Variants in LIN28A observed in about 807,000 individuals in gnomAD.
The protein encoded by LIN28A is lin-28 RNA binding posttranscriptional regulator A, also known as protein lin-28 homolog A.
LIN28A carries 11 observed loss-of-function variants against 21.1 expected under a neutral mutation model. That is an observed-to-expected ratio of 0.52 (90% CI 0.33 to 0.86). The LOEUF (loss-of-function observed/expected upper bound fraction) is 0.86, where lower values mean the gene tolerates loss of function less well. Among genes scored for constraint, LIN28A ranks in the 40% least tolerant of loss-of-function variants. The pLI, the probability that LIN28A is intolerant of heterozygous loss-of-function variation, is 0.03. For synonymous variants in LIN28A, 111 were observed against 108.7 expected, an observed-to-expected ratio of 1.02 and a Z score of -0.13; for missense variants, 219 against 279.8, an observed-to-expected ratio of 0.78 and a Z score of 1.55.
chr1:26,417,471 T>C (rs1570312342), intron 2 of LIN28A, among the ~76,000 whole-genome samples: 1 of 152,248 alleles, frequency 6.6e-6, no homozygotes, highest in African/African-American at 2.4e-5. Flanking sequence ...TTAAAATTAC[T>C]TTCATCAGCT....
chr1:26,416,605 G>T (rs968972168), intron 2 of LIN28A, among the ~76,000 whole-genome samples: 6 of 151,842 alleles, frequency 4.0e-5, no homozygotes, highest in Non-Finnish European at 8.8e-5. Context: ...TATTTAACAT[G>T]ATCTCACCAT....
chr1:26,416,049 G>A (rs568640495), intron 2 of LIN28A, among the ~76,000 whole-genome samples: 6 of 152,222 alleles, frequency 3.9e-5, no homozygotes, highest in African/African-American at 1.4e-4. Flanking sequence ...CTGGAGTGCA[G>A]TGGCACGAAC....
intron 2 of LIN28A, among the ~76,000 whole-genome samples, chr1:26,422,230 G>A (rs950682677): frequency 6.6e-6 from 1 of 151,670 alleles, no homozygotes; most frequent in Non-Finnish European, 1.5e-5. Flanking sequence ...AGCTGGTCTC[G>A]AATTCCTGGG....
chr1:26,421,621 T>A (rs2075029163), intron 2 of LIN28A, among the ~76,000 whole-genome samples: 1 of 152,228 alleles, frequency 6.6e-6, no homozygotes, highest in Non-Finnish European at 1.5e-5. Flanking sequence ...ACAAAGTCTG[T>A]AGGAATATGA....
In LIN28A at chr1:26,411,408, A is replaced by G; in HGVS notation, c.54A>G (p.Glu18=). 6.2e-7 allele frequency: 1 copy of G among 1,600,946 alleles called. No homozygotes were observed. Among genetic ancestry groups the G allele is most frequent in the Non-Finnish European group, 8.5e-7 (1 of 1,174,552 alleles). ...QFAGGCAKAA[E]EAPEEAPEDA... is the part of the protein sequence containing the mutation. The stretch of plus-strand genomic sequence containing the variant: ...CAGGTGGCTGCGCCAAGGCGGCAGA[A>G]GAGGCGCCCGAGGAGGCGCCGGAGG... Residue 18 remains glutamate (E), a synonymous_variant, in exon 2 of 4, where the codon GAA becomes GAG. Coordinates refer to ENST00000326279, the MANE Select transcript of LIN28A (RefSeq NM_024674.6). The surrounding 1 kb of genome is among the most constrained non-coding windows in gnomAD (Gnocchi z 5.4).
Position 26,425,356 on chromosome 1 carries a change from G to A in LIN28A, c.282G>A (p.Glu94=). 1 of 1,614,056 alleles carries A rather than the reference G, an allele frequency of 6.2e-7. No individual in the cohort carries two copies. Among genetic ancestry groups the A allele is most frequent in the African/African-American group, 1.3e-5 (1 of 75,020 alleles). Residue 94 remains glutamate (E), a synonymous_variant, in exon 3 of 4, where the codon GAG becomes GAA. Transcript: ENST00000326279. Reference sequence around the variant, plus strand: ...GCTTGAAGGAGGGTGAGGCAGTGGAGTTCACCTTTAAGAAGTCAGCCAAGG... The same window carrying A: ...GCTTGAAGGAGGGTGAGGCAGTGGAATTCACCTTTAAGAAGTCAGCCAAGG... ...FRSLKEGEAV[E]FTFKKSAKGL...
At chr1:26,417,164 G>GT (rs1472178117) in intron 2 of LIN28A, among the ~76,000 whole-genome samples, 1 of 152,214 alleles carries the variant, frequency 6.6e-6, no homozygotes, top group Non-Finnish European at 1.5e-5. Flanking sequence ...GTACCTCCTG[G>GT]TATAGGCGCC....
intron 2 of LIN28A, among the ~76,000 whole-genome samples, chr1:26,423,418 T>TTTTTTTTTTTTTTTTG (rs2075039300): frequency 9.8e-6 from 1 of 101,626 alleles, no homozygotes; most frequent in African/African-American, 5.6e-5. Context: ...TTTTTCTTTT[T>TTTTTTTTTTTTTTTTG]TTTTTTTTTT....
chr1:26,421,767 ACTGT>A (rs1487947953), intron 2 of LIN28A, among the ~76,000 whole-genome samples: 1 of 152,078 alleles, frequency 6.6e-6, no homozygotes, highest in Non-Finnish European at 1.5e-5. Context: ...CTTGGGTTAT[ACTGT>A]CTTTCGGTAA....
chr1:26,426,545 G>A lies in LIN28A; in HGVS notation c.*87G>A, dbSNP rs2075060853. ...AGAAAGTGGGAATAGGGTGCATTGG[G>A]GCTAGTTGGCACTGCCATGTATCTC... is the stretch of plus-strand genomic sequence containing the variant. On this transcript the variant is annotated 3_prime_UTR_variant, in exon 4 of 4. Coordinates refer to ENST00000326279, the MANE Select transcript of LIN28A (RefSeq NM_024674.6). The A allele has an allele frequency of 2.0e-6, 2 of 1,012,460 alleles. No homozygotes were observed. Among genetic ancestry groups the A allele is most frequent in the Non-Finnish European group, 3.0e-6 (2 of 659,160 alleles). The allele number at this position is 1,012,460 out of a possible 1,614,324, so 62.7% of individuals were successfully genotyped here. A position where few individuals can be genotyped will look rare whatever the true frequency, so the allele number is the denominator to read the frequency against.
At chr1:26,418,542 T>TA (rs10680192) in intron 2 of LIN28A, among the ~76,000 whole-genome samples, 32,191 of 144,334 alleles carry the variant, frequency 0.22, 4,355 homozygotes, top group African/African-American at 0.39. Context: ...CCAGACTTTT[T>TA]AAAAAAAAAA....
chr1:26,414,189 G>T (rs2074979707), intron 2 of LIN28A, among the ~76,000 whole-genome samples: 1 of 151,268 alleles, frequency 6.6e-6, no homozygotes, highest in African/African-American at 2.4e-5. Context: ...AGTAAACACA[G>T]GATAAATTGT....
chr1:26,423,134 C>T (rs1406342994), intron 2 of LIN28A, among the ~76,000 whole-genome samples: 1 of 152,042 alleles, frequency 6.6e-6, no homozygotes, highest in Admixed American at 6.6e-5. Flanking sequence ...GCAACCTCTG[C>T]CTCCCGGGTT....
intron 2 of LIN28A, among the ~76,000 whole-genome samples, chr1:26,417,296 C>T (rs1291086458): frequency 6.6e-6 from 1 of 152,200 alleles, no homozygotes; most frequent in Non-Finnish European, 1.5e-5. Context: ...TGCCTGCAGC[C>T]TTCTGTTCCA....
In LIN28A at chr1:26,415,117, T is replaced by C. The variant is rs566293203; in HGVS notation, c.228+3535T>C. Among the ~76,000 whole-genome samples the C allele has an allele frequency of 1.4e-4, 22 of 152,308 alleles. 1 individual carries two copies. In the South Asian group the frequency reaches 4.6e-3, roughly 32 times the overall value. The stretch of plus-strand genomic sequence containing the variant: ...CCCAGATATGTTTCAATCTCAAATA[T>C]GTTTAAATTGGCTTTCTGGCTAAAA... On this transcript the variant is annotated intron_variant, in intron 2 of 3. Coordinates refer to ENST00000326279, the MANE Select transcript of LIN28A (RefSeq NM_024674.6).
chr1:26,424,679 G>T (rs962973315), intron 2 of LIN28A, among the ~76,000 whole-genome samples: 1 of 151,824 alleles, frequency 6.6e-6, no homozygotes, highest in Non-Finnish European at 1.5e-5. Flanking sequence ...TTTAAATTTC[G>T]TAATTTTATA....
At chr1:26,413,049 G>A (rs775560116) in intron 2 of LIN28A, among the ~76,000 whole-genome samples, 27 of 152,124 alleles carry the variant, frequency 1.8e-4, no homozygotes, top group Non-Finnish European at 3.2e-4. Context: ...TAACCCACAG[G>A]AAGTAATTGT....
intron 2 of LIN28A, among the ~76,000 whole-genome samples, chr1:26,417,412 C>T (rs6683792): frequency 0.39 from 59,249 of 152,026 alleles, 12,038 homozygotes; most frequent in African/African-American, 0.49. Flanking sequence ...CAAATCTTAC[C>T]TCCAGGAATG....
At chr1:26,410,979 C>G (rs1323996064) in intron 1 of LIN28A, 57 bp downstream of exon 1, 44 of 1,579,180 alleles carry the variant, frequency 2.8e-5, no homozygotes, top group Middle Eastern at 1.7e-4. Flanking sequence ...CCAGGAGCCA[C>G]GTAGAAGGGA....
Sources: allele counts gnomAD v4.1 joint callset (sites outside exome capture counted in the v4.1 genomes callset), GRCh38; gene constraint gnomAD v4.1.1; non-coding constraint Gnocchi (gnomAD v3.1); transcripts MANE v1.5; gene names NCBI Gene and HGNC (gene_info 2026-07-23, HGNC 2026-07-21).